Variants in OPCML observed in about 807,000 individuals in gnomAD.
The protein encoded by OPCML is opioid-binding protein/cell adhesion molecule.
OPCML carries 13 observed loss-of-function variants against 37.8 expected under a neutral mutation model. That is an observed-to-expected ratio of 0.34 (90% CI 0.22 to 0.55). The LOEUF is 0.55. Among genes scored for constraint, OPCML ranks in the 20% least tolerant of loss-of-function variants. OPCML has a pLI of 0.91. For synonymous variants in OPCML, 176 were observed against 168.8 expected (o/e 1.04, Z -0.33); for missense variants, 341 against 435.6 (o/e 0.78, Z 1.93).
At position 133,177,350 on chromosome 11, in the gene OPCML, G is replaced by A. The variant is rs1937619862; in HGVS notation, c.62-234340C>T. On this transcript the variant is annotated intron_variant, in intron 1 of 7. Coordinates refer to ENST00000524381, the MANE Select transcript of OPCML (RefSeq NM_001012393.5). The surrounding 1 kb of genome is among the most constrained non-coding windows in gnomAD (Gnocchi z 5.0). ...TCATTTGAAGGAAGGAAGTGGAGAG[G>A]GCTATAAATTCTGGCAGAACCCTGA... is the stretch of plus-strand genomic sequence containing the variant. Among the ~76,000 whole-genome samples the A allele has an allele frequency of 6.6e-6, 1 of 152,142 alleles. No individual in the cohort carries two copies. Among genetic ancestry groups the A allele is most frequent in the Non-Finnish European group, 1.5e-5 (1 of 68,030 alleles).
intron 2 of OPCML, among the ~76,000 whole-genome samples, chr11:132,916,440 A>C (rs572197899): frequency 2.6e-5 from 4 of 152,328 alleles, no homozygotes; most frequent in Admixed American, 1.3e-4. Context: ...CTAGACAGGC[A>C]TGGACGTCAC....
intron 1 of OPCML, among the ~76,000 whole-genome samples, chr11:133,526,555 G>C (rs1645030619): frequency 1.3e-5 from 2 of 152,262 alleles, no homozygotes; most frequent in Admixed American, 6.5e-5. Flanking sequence ...GCTTCTCTCT[G>C]GTTTTGGATT....
At chr11:132,552,319 A>G (rs1403103120) in intron 3 of OPCML, among the ~76,000 whole-genome samples, 1 of 152,198 alleles carries the variant, frequency 6.6e-6, no homozygotes, top group Non-Finnish European at 1.5e-5. Flanking sequence ...CATTCATGTG[A>G]CAGACTTTGC....
chr11:133,261,269 T>C (rs936749888), intron 1 of OPCML, among the ~76,000 whole-genome samples: 2 of 152,246 alleles, frequency 1.3e-5, no homozygotes, highest in African/African-American at 2.4e-5. Context: ...TTCCTCTTCA[T>C]TCCTTAAGTG....
At chr11:132,932,949 A>AT (rs34741784) in intron 2 of OPCML, among the ~76,000 whole-genome samples, 4 of 151,506 alleles carry the variant, frequency 2.6e-5, no homozygotes, top group African/African-American at 9.7e-5. Flanking sequence ...CAGAGTTGGG[A>AT]TTCAAAATGA....
At chr11:133,152,857 G>C (rs1950006215) in intron 1 of OPCML, among the ~76,000 whole-genome samples, 1 of 147,788 alleles carries the variant, frequency 6.8e-6, no homozygotes, top group African/African-American at 2.6e-5. Context: ...ATAATAAAAG[G>C]GTTGAAGTCA....
At chr11:132,702,459 A>G (rs1425874559) in intron 2 of OPCML, among the ~76,000 whole-genome samples, 2 of 152,214 alleles carry the variant, frequency 1.3e-5, no homozygotes, top group Non-Finnish European at 2.9e-5. Context: ...GTATGTAACC[A>G]GTCACTTTTC....
chr11:133,076,031 T>C (rs1029782596), intron 1 of OPCML, among the ~76,000 whole-genome samples: 2 of 152,226 alleles, frequency 1.3e-5, no homozygotes, highest in African/African-American at 2.4e-5. Flanking sequence ...GTATTACTAA[T>C]TTTTAGAATT....
chr11:133,163,589 T>C (rs992046307), intron 1 of OPCML, among the ~76,000 whole-genome samples: 2 of 152,232 alleles, frequency 1.3e-5, no homozygotes, highest in Non-Finnish European at 2.9e-5. Flanking sequence ...AATCTCAGTA[T>C]ATGGTGTATA....
chr11:132,631,745 AC>A (rs1241855723), intron 3 of OPCML, among the ~76,000 whole-genome samples: 1 of 152,070 alleles, frequency 6.6e-6, no homozygotes, highest in African/African-American at 2.4e-5. Context: ...TTGAAAACTT[AC>A]CCTATGATCA....
At chr11:133,011,739 A>G (rs1947220661) in intron 1 of OPCML, among the ~76,000 whole-genome samples, 1 of 152,148 alleles carries the variant, frequency 6.6e-6, no homozygotes, top group South Asian at 2.1e-4. Context: ...GCCATTGGTT[A>G]TAGTCCAAGC....
At chr11:132,452,607 T>C in intron 4 of OPCML, among the ~76,000 whole-genome samples, 1 of 151,836 alleles carries the variant, frequency 6.6e-6, no homozygotes, top group Non-Finnish European at 1.5e-5. Context: ...CTGCCTGCCT[T>C]CCTACTTTCC....
At chr11:132,945,201 G>T (rs1945718735) in intron 1 of OPCML, among the ~76,000 whole-genome samples, 1 of 152,198 alleles carries the variant, frequency 6.6e-6, no homozygotes, top group Non-Finnish European at 1.5e-5. Flanking sequence ...TACAATCTGA[G>T]AACTGTCTTT....
At chr11:133,461,160 A>T (rs943101396) in intron 1 of OPCML, among the ~76,000 whole-genome samples, 1 of 151,948 alleles carries the variant, frequency 6.6e-6, no homozygotes, top group Non-Finnish European at 1.5e-5. Flanking sequence ...TTTTAGGCTC[A>T]ATAACAAGAC....
chr11:133,240,609 G>T (rs914719988), intron 1 of OPCML, among the ~76,000 whole-genome samples: 6 of 152,140 alleles, frequency 3.9e-5, no homozygotes, highest in Non-Finnish European at 8.8e-5. Context: ...ATAACATAAA[G>T]AATGCTCTTT....
intron 4 of OPCML, among the ~76,000 whole-genome samples, chr11:132,471,350 T>C (rs1047530932): frequency 6.6e-6 from 1 of 152,192 alleles, no homozygotes; most frequent in Admixed American, 6.5e-5. Context: ...TATCTATTAA[T>C]TATCTATTGC....
chr11:133,414,309 C>G (rs1251993363), intron 1 of OPCML, among the ~76,000 whole-genome samples: 1 of 152,032 alleles, frequency 6.6e-6, no homozygotes, highest in Non-Finnish European at 1.5e-5. Flanking sequence ...TGAGATTTAC[C>G]AAAATCACCT....
At chr11:132,833,370 CCGTATCTCAT>C (rs553372180) in intron 2 of OPCML, among the ~76,000 whole-genome samples, 174 of 152,292 alleles carry the variant, frequency 1.1e-3, no homozygotes, top group Middle Eastern at 3.4e-3. Flanking sequence ...TCCTTCACCT[CCGTATCTCAT>C]CCCACTCCAA....
chr11:133,119,904 GGA>G (rs903241053), intron 1 of OPCML, among the ~76,000 whole-genome samples: 2 of 152,160 alleles, frequency 1.3e-5, no homozygotes, highest in Non-Finnish European at 2.9e-5. Flanking sequence ...AGGGCTGCAG[GGA>G]GAGAGGGGTG....
Sources: allele counts gnomAD v4.1 joint callset (sites outside exome capture counted in the v4.1 genomes callset), GRCh38; gene constraint gnomAD v4.1.1; non-coding constraint Gnocchi (gnomAD v3.1); transcripts MANE v1.5; gene names NCBI Gene and HGNC (gene_info 2026-07-23, HGNC 2026-07-21).